UNC5C: variants seen among roughly 807,000 people sequenced by gnomAD.
UNC5C encodes unc-5 netrin receptor C.
In UNC5C, 47 loss-of-function variants were observed where a neutral mutation model predicts 99.8. That is an observed-to-expected ratio of 0.47 (90% CI 0.37 to 0.60). The LOEUF is 0.60. Among genes scored for constraint, UNC5C ranks in the 20% least tolerant of loss-of-function variants. UNC5C has a pLI of 0.00. For missense variants in UNC5C, 1,062 were observed against 1,165.9 expected (o/e 0.91, Z 1.30); for synonymous variants, 487 against 452.2 (o/e 1.08, Z -0.98).
chr4:95,205,729 AAT>A (rs1737852974), intron 11 of UNC5C, among the ~76,000 whole-genome samples: 1 of 152,138 alleles, frequency 6.6e-6, no homozygotes, highest in South Asian at 2.1e-4. Context: ...ATATTACTGA[AAT>A]ATAGGTGCTA....
At chr4:95,170,449 T>G in intron 14 of UNC5C, 117 bp from the exon 15 acceptor site, 1 of 1,230,378 alleles carries the variant, frequency 8.1e-7, no homozygotes. Flanking sequence ...AATGCTGTTA[T>G]TCTTCTTAGG....
In UNC5C at chr4:95,375,456, A is replaced by G. The variant is rs116785202; in HGVS notation, c.125-39825T>C. On this transcript the variant is annotated intron_variant, in intron 1 of 15. Coordinates refer to ENST00000453304, the MANE Select transcript of UNC5C (RefSeq NM_003728.4). Reference sequence around the variant, plus strand: ...CGTCAGTATTCCTTTTACAATGAAGAAACAGGATAAAAGTTGGAATATAAA... The same window carrying G: ...CGTCAGTATTCCTTTTACAATGAAGGAACAGGATAAAAGTTGGAATATAAA... 3.7e-3 allele frequency among the ~76,000 whole-genome samples: 564 copies of G among 152,298 alleles called. 2 individuals are homozygous for G. The highest frequency in any genetic ancestry group is 0.013 in the African/African-American group (541 of 41,578).
chr4:95,453,003 T>A (rs993901276), intron 1 of UNC5C, among the ~76,000 whole-genome samples: 1 of 152,136 alleles, frequency 6.6e-6, no homozygotes, highest in African/African-American at 2.4e-5. Flanking sequence ...CATATGATCA[T>A]ATTTCCTACT....
intron 3 of UNC5C, among the ~76,000 whole-genome samples, chr4:95,282,769 T>C (rs569947971): frequency 1.2e-4 from 18 of 152,298 alleles, no homozygotes; most frequent in African/African-American, 4.3e-4. Context: ...CTCTCTGGAA[T>C]GGGGGTCTTA....
chr4:95,541,678 A>T (rs1722925058), intron 1 of UNC5C, among the ~76,000 whole-genome samples: 1 of 151,958 alleles, frequency 6.6e-6, no homozygotes. Flanking sequence ...TTTTGAGAAA[A>T]CCTGCATTTC....
At chr4:95,514,614 G>T (rs191585806) in intron 1 of UNC5C, among the ~76,000 whole-genome samples, 1 of 149,110 alleles carries the variant, frequency 6.7e-6, no homozygotes, top group Non-Finnish European at 1.5e-5. Flanking sequence ...TTCTATAAGA[G>T]CAGCAATATA....
chr4:95,169,075 A>G lies in UNC5C; in HGVS notation c.*159T>C. On this transcript the variant is annotated 3_prime_UTR_variant, in exon 16 of 16. Coordinates refer to ENST00000453304, the MANE Select transcript of UNC5C (RefSeq NM_003728.4). ...TGATGTCCGAGTAAAGTGGGCATGT[A>G]CATGGGCAGTTGTATCTGTTTTCCT... 1.2e-6 allele frequency: 1 copy of G among 825,348 alleles called. No homozygotes were observed. Among genetic ancestry groups the G allele is most frequent in the Non-Finnish European group, 1.9e-6 (1 of 526,992 alleles). The allele number at this position is 825,348 out of a possible 1,614,324, so 51.1% of individuals were successfully genotyped here.
chr4:95,242,009 T>C (rs17023320), intron 7 of UNC5C, among the ~76,000 whole-genome samples: 1,533 of 152,334 alleles, frequency 0.01, 92 homozygotes, highest in Admixed American at 0.09. Flanking sequence ...ACAGAAATGT[T>C]TGTCATCTTT....
rs796623348 is a variant in UNC5C, at chr4:95,356,218, CA to C, written c.125-20588del. Among the ~76,000 whole-genome samples, 41 of 81,802 alleles carry C rather than the reference CA, an allele frequency of 5.0e-4. 2 individuals are homozygous for C. Among genetic ancestry groups the C allele is most frequent in the Middle Eastern group, 6.8e-3 (1 of 146 alleles). The allele number at this position is 81,802 out of a possible 152,430, so 53.7% of individuals were successfully genotyped here. On this transcript the variant is annotated intron_variant, in intron 1 of 15. Coordinates refer to ENST00000453304, the MANE Select transcript of UNC5C (RefSeq NM_003728.4). ...CAAAAAAAAAAAAAAAAAAACAAAA[CA>C]AAAAAAAAACAGATTCCTCGTTCTT...
At chr4:95,374,698 A>T (rs2149439900) in intron 1 of UNC5C, among the ~76,000 whole-genome samples, 1 of 152,196 alleles carries the variant, frequency 6.6e-6, no homozygotes. Flanking sequence ...AAGGCTCAAA[A>T]TGGGGACCCT....
intron 4 of UNC5C, among the ~76,000 whole-genome samples, chr4:95,261,904 C>G (rs936367462): frequency 4.6e-5 from 7 of 152,062 alleles, no homozygotes. Flanking sequence ...GGGGTTTCAC[C>G]GTGTTAGCCA....
At chr4:95,359,206 G>A (rs535095133) in intron 1 of UNC5C, among the ~76,000 whole-genome samples, 1 of 152,178 alleles carries the variant, frequency 6.6e-6, no homozygotes, top group South Asian at 2.1e-4. Context: ...TTAAGTCTGG[G>A]GCTATGCCAT....
chr4:95,260,413 A>G (rs1740176928), intron 4 of UNC5C, among the ~76,000 whole-genome samples: 1 of 152,120 alleles, frequency 6.6e-6, no homozygotes, highest in Non-Finnish European at 1.5e-5. Flanking sequence ...GGTATTAGGG[A>G]TGACATTCAT....
At chr4:95,451,642 G>A (rs1439513666) in intron 1 of UNC5C, among the ~76,000 whole-genome samples, 8 of 151,948 alleles carry the variant, frequency 5.3e-5, no homozygotes, top group African/African-American at 1.4e-4. Flanking sequence ...TACTACTTTT[G>A]TTTTGTCTGA....
chr4:95,481,623 A>G (rs1289284088), intron 1 of UNC5C, among the ~76,000 whole-genome samples: 10 of 152,176 alleles, frequency 6.6e-5, no homozygotes, highest in Non-Finnish European at 1.2e-4. Context: ...ACAAGGCTAC[A>G]GTAACCAAAA....
At chr4:95,357,501 G>T (rs1329364350) in intron 1 of UNC5C, among the ~76,000 whole-genome samples, 1 of 151,732 alleles carries the variant, frequency 6.6e-6, no homozygotes, top group Admixed American at 6.6e-5. Context: ...CTAAAATACT[G>T]TCCAGGCCTG....
chr4:95,516,627 G>T (rs1045327172), intron 1 of UNC5C, among the ~76,000 whole-genome samples: 1 of 152,124 alleles, frequency 6.6e-6, no homozygotes, highest in Middle Eastern at 3.2e-3. Flanking sequence ...TTAGAGTGGA[G>T]GGAGTAATGG....
chr4:95,206,776 T>C lies in UNC5C; in HGVS notation c.1754A>G (p.Gln585Arg). The C allele has an allele frequency of 6.2e-7, 1 of 1,607,732 alleles. No individual in the cohort carries two copies. Among genetic ancestry groups the C allele is most frequent in the Non-Finnish European group, 8.5e-7 (1 of 1,177,176 alleles). The stretch of plus-strand genomic sequence containing the variant: ...GCTCACCACAGGGGTCAAAAGTGTC[T>C]GAGAGTCATCCATGGGTGGCCTAGG... The part of the protein sequence containing the change: ...ETMRPPMDDS[Q>R]TLLTPVVSCG... The change falls in exon 11 of 16, where the codon CAG (glutamine) becomes CGG (arginine). Residue 585 changes from glutamine (Q) to arginine (R), a missense_variant. Coordinates refer to ENST00000453304, the MANE Select transcript of UNC5C (RefSeq NM_003728.4).
chr4:95,270,347 C>G lies in UNC5C; in HGVS notation c.594+7912G>C, dbSNP rs140601958. Among the ~76,000 whole-genome samples the G allele has an allele frequency of 8.2e-3, 1,252 of 152,220 alleles. 25 individuals are homozygous for G. The highest frequency in any genetic ancestry group is 0.068 in the South Asian group (329 of 4,820). The stretch of plus-strand genomic sequence containing the variant: ...CTTTGCACCTTTCAGTAGGTTTGTG[C>G]AAGTCTGGGTATTTTTGTGCTTTAA... On this transcript the variant is annotated intron_variant, in intron 4 of 15. Transcript: ENST00000453304.
Sources: allele counts gnomAD v4.1 joint callset (sites outside exome capture counted in the v4.1 genomes callset), GRCh38; gene constraint gnomAD v4.1.1; transcripts MANE v1.5; gene names NCBI Gene and HGNC (gene_info 2026-07-23, HGNC 2026-07-21).